AGTPBP1: variants seen among roughly 807,000 people sequenced by gnomAD.
AGTPBP1 encodes ATP/GTP binding carboxypeptidase 1.
Under a neutral mutation model 143.9 loss-of-function variants are expected in AGTPBP1, and 70 were observed. The ratio of observed to expected loss-of-function variants is 0.49; its 90% CI spans 0.40 to 0.59. AGTPBP1 has a LOEUF of 0.59. Among genes scored for constraint, AGTPBP1 ranks in the 20% least tolerant of loss-of-function variants. The probability of loss-of-function intolerance (pLI) is 0.00; values close to 1 mark genes in which losing one functional copy is unlikely to be tolerated. For missense variants in AGTPBP1, 1,229 were observed against 1,464.5 expected (o/e 0.84, Z 2.62); for synonymous variants, 463 against 500.2 (o/e 0.93, Z 0.99).
chr9:85,660,969 C>T lies in AGTPBP1; in HGVS notation c.667G>A (p.Ala223Thr), dbSNP rs1224876097. 6.3e-7 allele frequency: 1 copy of T among 1,594,594 alleles called. No individual in the cohort carries two copies. Residue 223 changes from alanine to threonine, a missense_variant, in exon 9 of 26, where the codon GCT becomes ACT. This residue lies in a region of AGTPBP1 where 743 missense variants were observed against 812.2 expected (regional missense o/e 0.91). Transcript: ENST00000357081. ...AGCAATGCAGCAAGAGTGTCTAAAGCAACCCTGTCAACACAACAAGAAAAC... is the reference window on the plus strand; with the variant it reads ...AGCAATGCAGCAAGAGTGTCTAAAGTAACCCTGTCAACACAACAAGAAAAC... ...SKKNSSLIKV[A>T]LDTLAALLKS...
intron 2 of AGTPBP1, among the ~76,000 whole-genome samples, chr9:85,710,021 T>C (rs1837267013): frequency 1.3e-5 from 2 of 152,164 alleles, no homozygotes; most frequent in Admixed American, 6.5e-5. Flanking sequence ...TATCACACAA[T>C]AAACACCTGT....
the AGTPBP1 span, among the ~76,000 whole-genome samples, chr9:85,797,545 A>G: frequency 2.6e-4 from 39 of 152,272 alleles, no homozygotes; most frequent in African/African-American, 8.7e-4. Context: ...TATCCCTTCT[A>G]GAGCCTTCCA....
intron 9 of AGTPBP1, among the ~76,000 whole-genome samples, chr9:85,660,591 T>C (rs1279050484): frequency 2.0e-5 from 3 of 152,262 alleles, no homozygotes; most frequent in Admixed American, 6.5e-5. Flanking sequence ...ATATTTCTTA[T>C]AGTAAAAGTT....
chr9:85,725,194 A>T (rs1454891676), intron 1 of AGTPBP1, among the ~76,000 whole-genome samples: 2 of 152,226 alleles, frequency 1.3e-5, no homozygotes, highest in African/African-American at 2.4e-5. Context: ...TTTTTCTACA[A>T]CAATGTATGA....
intron 2 of AGTPBP1, among the ~76,000 whole-genome samples, chr9:85,701,034 C>T (rs1057318606): frequency 6.6e-6 from 1 of 151,962 alleles, no homozygotes; most frequent in Admixed American, 6.6e-5. Context: ...TCTCGTGCCT[C>T]AGCCTCCAGA....
the AGTPBP1 span, among the ~76,000 whole-genome samples, chr9:85,804,108 A>G: frequency 6.6e-6 from 1 of 151,768 alleles, no homozygotes. Flanking sequence ...CTTCACAGAT[A>G]AATCACTAGC....
intron 12 of AGTPBP1, among the ~76,000 whole-genome samples, chr9:85,645,143 G>C (rs929721498): frequency 6.6e-6 from 1 of 152,060 alleles, no homozygotes; most frequent in Non-Finnish European, 1.5e-5. Flanking sequence ...TCATAGGGTT[G>C]CTATAAGGAT....
Position 85,574,434 on chromosome 9 carries a change from C to A in AGTPBP1, c.3503+881G>T, listed in dbSNP as rs890497413. Among the ~76,000 whole-genome samples, 8 of 147,780 alleles carry A rather than the reference C, an allele frequency of 5.4e-5. No homozygotes were observed. The East Asian group carries it at 6.0e-4, about 11-fold the overall frequency. On this transcript the variant is annotated intron_variant, in intron 25 of 25. Transcript: ENST00000357081. ...CTATTGTCCTATGACCCTGCCAAATCCCCCCTGCGAGAAACACCCAAGAAT... is the reference window on the plus strand; with the variant it reads ...CTATTGTCCTATGACCCTGCCAAATACCCCCTGCGAGAAACACCCAAGAAT...
intron 15 of AGTPBP1, among the ~76,000 whole-genome samples, chr9:85,620,582 A>G (rs1022684313): frequency 1.6e-4 from 25 of 152,216 alleles, no homozygotes; most frequent in Admixed American, 2.6e-4. Flanking sequence ...GTCAAACTCA[A>G]TATTTGTAAT....
Position 85,617,618 on chromosome 9 carries a change from G to GT in AGTPBP1, c.2335+1364dup, listed in dbSNP as rs1023057579. On this transcript the variant is annotated intron_variant, in intron 17 of 25. Transcript: ENST00000357081. ...AGATTTTTGTGGGTACAACTCAAGA[G>GT]TTTTTTTTAAAACGGTCTCATGAGA... Among the ~76,000 whole-genome samples the GT allele has an allele frequency of 6.6e-5, 10 of 151,970 alleles. No individual in the cohort carries two copies. In the East Asian group the frequency reaches 7.7e-4, roughly 12 times the overall value.
the AGTPBP1 span, among the ~76,000 whole-genome samples, chr9:85,769,109 G>C: frequency 6.6e-6 from 1 of 151,686 alleles, no homozygotes; most frequent in Non-Finnish European, 1.5e-5. Context: ...TTAGGGGAAG[G>C]AGTGGAGAGA....
chr9:85,721,140 C>A (rs931153691), intron 1 of AGTPBP1, among the ~76,000 whole-genome samples: 2 of 152,160 alleles, frequency 1.3e-5, no homozygotes, highest in African/African-American at 2.4e-5. Context: ...AATGTATATT[C>A]CGTTGATTTG....
chr9:85,668,191 C>A (rs1834246248), intron 8 of AGTPBP1, among the ~76,000 whole-genome samples: 1 of 152,060 alleles, frequency 6.6e-6, no homozygotes, highest in South Asian at 2.1e-4. Flanking sequence ...ATATTATCCT[C>A]TCTACATTTG....
At chr9:85,789,384 G>C in the AGTPBP1 span, among the ~76,000 whole-genome samples, 1 of 151,976 alleles carries the variant, frequency 6.6e-6, no homozygotes, top group African/African-American at 2.4e-5. Context: ...TAAACATTTT[G>C]TCACTTTATT....
intron 25 of AGTPBP1, among the ~76,000 whole-genome samples, chr9:85,559,970 A>AT (rs1417093505): frequency 6.6e-6 from 1 of 152,010 alleles, no homozygotes; most frequent in African/African-American, 2.4e-5. Context: ...TATTTTCACT[A>AT]TTTTCTGACT....
At chr9:85,557,056 G>A (rs1826394871) in intron 25 of AGTPBP1, among the ~76,000 whole-genome samples, 1 of 152,048 alleles carries the variant, frequency 6.6e-6, no homozygotes, top group African/African-American at 2.4e-5. Flanking sequence ...TCCTTATGCT[G>A]ATATATTCTT....
intron 12 of AGTPBP1, among the ~76,000 whole-genome samples, chr9:85,643,697 A>G (rs1327662926): frequency 6.6e-6 from 1 of 152,192 alleles, no homozygotes; most frequent in Non-Finnish European, 1.5e-5. Flanking sequence ...AAGGAAAAGT[A>G]TGTCCTCAGA....
At position 85,672,680 on chromosome 9, in the gene AGTPBP1, A is replaced by G; in HGVS notation, c.438T>C (p.Asp146=). 1.3e-6 allele frequency: 2 copies of G among 1,566,058 alleles called. No individual in the cohort carries two copies. Among genetic ancestry groups the G allele is most frequent in the Non-Finnish European group, 1.7e-6 (2 of 1,160,984 alleles). The change falls in exon 7 of 26, where the codon GAT becomes GAC. Residue 146 remains aspartate (D), a splice_region_variant and synonymous_variant. Transcript: ENST00000357081. ...HSILAKIGPK[D]KKFGVKARIN... The stretch of plus-strand genomic sequence containing the variant: ...TTCTAGCCTTTACTCCAAATTTTTT[A>G]TCTGTTTAAAAAAAAAAAAGACAAT...
chr9:85,726,164 A>G (rs1838473847), intron 1 of AGTPBP1, among the ~76,000 whole-genome samples: 1 of 148,740 alleles, frequency 6.7e-6, no homozygotes, highest in Non-Finnish European at 1.5e-5. Flanking sequence ...TGGAAGATTG[A>G]GGCTACAGTG....
Sources: allele counts gnomAD v4.1 joint callset (sites outside exome capture counted in the v4.1 genomes callset), GRCh38; gene constraint gnomAD v4.1.1; regional missense constraint gnomAD v4.1.1; transcripts MANE v1.5; gene names NCBI Gene and HGNC (gene_info 2026-07-23, HGNC 2026-07-21).